GRM8: variants seen among roughly 807,000 people sequenced by gnomAD.
GRM8 encodes the protein metabotropic glutamate receptor 8.
A neutral mutation model predicts 87.2 loss-of-function variants in GRM8; 47 were observed. That is an observed-to-expected ratio of 0.54 (90% CI 0.43 to 0.69). The LOEUF is 0.69. Ranked by LOEUF, GRM8 falls within the 30% of genes least tolerant of loss-of-function variation. GRM8 has a pLI of 0.00. For missense variants in GRM8, 1,019 were observed against 1,139.2 expected, an observed-to-expected ratio of 0.89 and a Z score of 1.52; for synonymous variants, 396 against 404.5, an observed-to-expected ratio of 0.98 and a Z score of 0.25.
At chr7:126,623,875 G>A (rs1800421069) in intron 7 of GRM8, among the ~76,000 whole-genome samples, 1 of 152,154 alleles carries the variant, frequency 6.6e-6, no homozygotes, top group Non-Finnish European at 1.5e-5. Flanking sequence ...CCCGGGAGGT[G>A]GAAGCTGCAG....
chr7:126,604,307 T>C (rs1798135588), intron 8 of GRM8, among the ~76,000 whole-genome samples: 1 of 152,118 alleles, frequency 6.6e-6, no homozygotes, highest in Non-Finnish European at 1.5e-5. Flanking sequence ...AAACAAATAC[T>C]TTGGGCTTAT....
At chr7:126,905,217 T>C (rs1341896050) in intron 3 of GRM8, among the ~76,000 whole-genome samples, 2 of 152,222 alleles carry the variant, frequency 1.3e-5, no homozygotes, top group African/African-American at 2.4e-5. Context: ...TTCAAGGCTA[T>C]GTAAGACACA....
intron 2 of GRM8, among the ~76,000 whole-genome samples, chr7:127,196,616 CCA>C (rs1795293748): frequency 6.6e-6 from 1 of 152,064 alleles, no homozygotes; most frequent in African/African-American, 2.4e-5. Flanking sequence ...GCACATGCTT[CCA>C]CATTGTTACA....
intron 9 of GRM8, among the ~76,000 whole-genome samples, chr7:126,450,600 A>C (rs963084713): frequency 1.3e-5 from 2 of 151,628 alleles, no homozygotes; most frequent in African/African-American, 4.8e-5. Flanking sequence ...AATGGACTTC[A>C]AAATACCATT....
intron 9 of GRM8, among the ~76,000 whole-genome samples, chr7:126,458,860 T>C (rs1328436284): frequency 6.6e-6 from 1 of 151,226 alleles, no homozygotes; most frequent in Non-Finnish European, 1.5e-5. Context: ...ACAAACTATT[T>C]AGAAATTGAA....
intron 2 of GRM8, chr7:127,229,124 C>G (rs1304207438): frequency 1.3e-5 from 2 of 152,170 alleles, no homozygotes; most frequent in East Asian, 1.9e-4. Flanking sequence ...TCCAAAGATA[C>G]AGGTTTTAAT....
At chr7:126,857,807 T>C (rs1387227119) in intron 6 of GRM8, among the ~76,000 whole-genome samples, 1 of 152,142 alleles carries the variant, frequency 6.6e-6, no homozygotes, top group Non-Finnish European at 1.5e-5. Flanking sequence ...ATAGAGAACA[T>C]CTGTGGTGGC....
At chr7:127,081,086 T>C (rs1822815401) in intron 3 of GRM8, among the ~76,000 whole-genome samples, 1 of 152,328 alleles carries the variant, frequency 6.6e-6, no homozygotes, top group East Asian at 1.9e-4. Flanking sequence ...TCAGAGAATA[T>C]AGAAATGAGA....
chr7:127,238,865 G>A (rs1798133154), intron 2 of GRM8, among the ~76,000 whole-genome samples: 1 of 152,164 alleles, frequency 6.6e-6, no homozygotes, highest in African/African-American at 2.4e-5. Context: ...TCTCTGTTGG[G>A]GCTAAATGAA....
chr7:127,041,329 G>A (rs1818411446), intron 3 of GRM8, among the ~76,000 whole-genome samples: 2 of 152,170 alleles, frequency 1.3e-5, no homozygotes, highest in Admixed American at 1.3e-4. Flanking sequence ...GCAGGGTAAC[G>A]TTTAGGCAGG....
chr7:127,099,825 A>C (rs549247015), intron 3 of GRM8, among the ~76,000 whole-genome samples: 36 of 152,258 alleles, frequency 2.4e-4, no homozygotes, highest in African/African-American at 8.7e-4. Context: ...TGAAATCCTA[A>C]ACCCAGTACC....
At chr7:126,541,727 A>C (rs992054715) in intron 8 of GRM8, among the ~76,000 whole-genome samples, 14 of 152,326 alleles carry the variant, frequency 9.2e-5, no homozygotes, top group African/African-American at 3.1e-4. Context: ...GGACCATCTA[A>C]ATTTGTTAGA....
At chr7:126,832,188 A>AG (rs1255011390) in intron 6 of GRM8, among the ~76,000 whole-genome samples, 7 of 151,852 alleles carry the variant, frequency 4.6e-5, no homozygotes, top group African/African-American at 1.7e-4. Flanking sequence ...AAAAAAAAGA[A>AG]AAAGAAAAGA....
rs572284956 is a variant in GRM8 at position 126,894,118 on chromosome 7, A to G, written c.1156+8424T>C. 1.8e-4 allele frequency among the ~76,000 whole-genome samples: 27 copies of G among 152,188 alleles called. No individual in the cohort carries two copies. The South Asian group carries it at 5.6e-3, about 31-fold the overall frequency. On this transcript the variant is annotated intron_variant, in intron 6 of 10. Coordinates refer to ENST00000339582, the MANE Select transcript of GRM8 (RefSeq NM_000845.3). ...AGAGGAGAAATCAAGTTTTCCTGATATTGAATCATCTATACATTGTTCCTT... is the reference window on the plus strand; with the variant it reads ...AGAGGAGAAATCAAGTTTTCCTGATGTTGAATCATCTATACATTGTTCCTT...
chr7:127,078,088 T>C (rs1822480991), intron 3 of GRM8, among the ~76,000 whole-genome samples: 4 of 152,250 alleles, frequency 2.6e-5, no homozygotes. Flanking sequence ...GACTTGGCTA[T>C]AGCCATGTCT....
At chr7:126,475,822 G>C (rs1805837559) in intron 9 of GRM8, among the ~76,000 whole-genome samples, 1 of 152,112 alleles carries the variant, frequency 6.6e-6, no homozygotes, top group Non-Finnish European at 1.5e-5. Context: ...CACATATGCA[G>C]TCACCTAATC....
At chr7:127,027,402 T>C (rs755882666) in intron 3 of GRM8, among the ~76,000 whole-genome samples, 36 of 152,340 alleles carry the variant, frequency 2.4e-4, no homozygotes, top group Non-Finnish European at 3.8e-4. Context: ...AGGGATAGCA[T>C]TGAATCTATA....
intron 7 of GRM8, among the ~76,000 whole-genome samples, chr7:126,766,525 G>C (rs1201197331): frequency 3.9e-5 from 6 of 151,998 alleles, no homozygotes; most frequent in Non-Finnish European, 8.8e-5. Flanking sequence ...AATTCCTTGA[G>C]AGTACCTTTT....
At chr7:126,656,000 C>G (rs1265510370) in intron 7 of GRM8, among the ~76,000 whole-genome samples, 1 of 152,130 alleles carries the variant, frequency 6.6e-6, no homozygotes, top group South Asian at 2.1e-4. Context: ...GGTAATGTAA[C>G]ATAAATAATA....
Sources: allele counts gnomAD v4.1 joint callset (sites outside exome capture counted in the v4.1 genomes callset), GRCh38; gene constraint gnomAD v4.1.1; transcripts MANE v1.5; gene names NCBI Gene and HGNC (gene_info 2026-07-23, HGNC 2026-07-21).